The following KDM1A variants were observed in gnomAD, a reference collection of about 807,000 sequenced individuals.
KDM1A encodes the protein lysine demethylase 1A.
KDM1A carries 49 observed loss-of-function variants against 109.4 expected under a neutral mutation model. The observed-to-expected ratio is 0.45, with a 90% CI of 0.36 to 0.57. The LOEUF (loss-of-function observed/expected upper bound fraction) is 0.57, where lower values mean the gene tolerates loss of function less well. KDM1A is among the 20% of genes least tolerant of loss of function. The probability of loss-of-function intolerance (pLI) is 0.00; values close to 1 mark genes in which losing one functional copy is unlikely to be tolerated. For synonymous variants in KDM1A, 380 were observed against 415.4 expected (o/e 0.91, Z 1.04); for missense variants, 668 against 1,116.6 (o/e 0.60, Z 5.73).
intron 1 of KDM1A, 123 bp downstream of exon 1, chr1:23,020,070 G>C (rs1641574856): frequency 9.5e-7 from 1 of 1,049,694 alleles, no homozygotes; most frequent in Admixed American, 4.1e-5. Flanking sequence ...CCCTTGTATC[G>C]CTGCGCACGC....
chr1:23,046,782 T>G (rs1642515469), intron 3 of KDM1A, among the ~76,000 whole-genome samples: 1 of 152,182 alleles, frequency 6.6e-6, no homozygotes, highest in Non-Finnish European at 1.5e-5. Flanking sequence ...TTCTGAAAGG[T>G]GATGCTGGAA....
intron 15 of KDM1A, among the ~76,000 whole-genome samples, chr1:23,076,789 C>G (rs1434052375): frequency 6.6e-6 from 1 of 151,692 alleles, no homozygotes. Context: ...TGGTGAAACC[C>G]CGTCTCTACT....
intron 1 of KDM1A, among the ~76,000 whole-genome samples, chr1:23,028,035 A>G (rs1344176751): frequency 3.3e-5 from 5 of 152,202 alleles, no homozygotes; most frequent in Admixed American, 6.5e-5. Context: ...CTAAAGACTA[A>G]GAACCCTTTC....
intron 13 of KDM1A, 68 bp from the exon 14 acceptor site, chr1:23,072,056 G>A: frequency 1.1e-6 from 1 of 917,974 alleles, no homozygotes; most frequent in Non-Finnish European, 1.8e-6. Flanking sequence ...CTTATACTTT[G>A]TGGTACAAAG....
chr1:23,071,504 G>A (rs1643319112), intron 13 of KDM1A, 145 bp downstream of exon 13: 1 of 666,468 alleles, frequency 1.5e-6, no homozygotes, highest in Non-Finnish European at 2.5e-6. Context: ...AGGAGCCATG[G>A]GGATTTAATG....
At chr1:23,051,017 G>A (rs1232712145) in intron 4 of KDM1A, among the ~76,000 whole-genome samples, 2 of 152,152 alleles carry the variant, frequency 1.3e-5, no homozygotes, top group Non-Finnish European at 2.9e-5. Context: ...CCTAGGAGGT[G>A]GAGGTTGCAG....
chr1:23,083,032 A>C, intron 20 of KDM1A, 147 bp from the exon 21 acceptor site: 1 of 677,330 alleles, frequency 1.5e-6, no homozygotes, highest in African/African-American at 1.8e-5. Context: ...CCTACTGATA[A>C]GGGAGACTCT....
intron 2 of KDM1A, 82 bp from the exon 3 acceptor site, chr1:23,044,345 C>T (rs772259076): frequency 1.2e-5 from 15 of 1,296,078 alleles, no homozygotes; most frequent in Non-Finnish European, 1.6e-5. Context: ...ATTCATGAGT[C>T]GCCAACTATT....
In KDM1A at chr1:23,074,780, A is replaced by T. The variant is rs1232763998; in HGVS notation, c.1734+1377A>T. On this transcript the variant is annotated intron_variant, in intron 15 of 20. Coordinates refer to ENST00000400181, the MANE Select transcript of KDM1A (RefSeq NM_001009999.3). ...TCATGTTTTTCCATATAGTTATGTA[A>T]TTATTATTCCAGCACTATCCTTTTC... Among the ~76,000 whole-genome samples, 7 of 152,296 alleles carry T rather than the reference A, an allele frequency of 4.6e-5. No homozygotes were observed. In the East Asian group the frequency reaches 1.3e-3, roughly 29 times the overall value.
intron 10 of KDM1A, among the ~76,000 whole-genome samples, chr1:23,066,856 G>A (rs1643174148): frequency 6.6e-6 from 1 of 152,184 alleles, no homozygotes. Context: ...GAAGTAGCAT[G>A]TTTCTGAGCA....
At position 23,050,374 on chromosome 1, in the gene KDM1A, C is replaced by T. The variant is rs1007875288; in HGVS notation, c.578-13C>T. ...TTGCACTTTTCCTAGATGTCCTTTG[C>T]TTTCTTCGTTAGGTGTGGAGGGCGC... On this transcript the variant is annotated splice_polypyrimidine_tract_variant and intron_variant, in intron 3 of 20. Transcript: ENST00000400181. 3.8e-6 allele frequency: 6 copies of T among 1,595,688 alleles called. No individual in the cohort carries two copies. The African/African-American group carries it at 8.2e-5, about 22-fold the overall frequency.
Position 23,079,405 on chromosome 1 carries a change from A to G in KDM1A, c.2056-148A>G, listed in dbSNP as rs755886325. On this transcript the variant is annotated intron_variant, in intron 17 of 20. Coordinates refer to ENST00000400181, the MANE Select transcript of KDM1A (RefSeq NM_001009999.3). This position sits in a 1 kb window ranked among gnomAD's most constrained non-coding sequence, Gnocchi z 5.6. ...GGGGTCATTTCACAAACTCAGGCCTATAAAAAGGGGATCGTAAATGTCATC... is the reference window on the plus strand; with the variant it reads ...GGGGTCATTTCACAAACTCAGGCCTGTAAAAAGGGGATCGTAAATGTCATC... The G allele has an allele frequency of 7.0e-5, 50 of 713,642 alleles. No individual in the cohort carries two copies. Among genetic ancestry groups the G allele is most frequent in the Non-Finnish European group, 1.1e-4 (47 of 427,734 alleles). 44.2% of individuals were successfully genotyped at this position (713,642 alleles called of 1,614,324 possible).
intron 4 of KDM1A, among the ~76,000 whole-genome samples, chr1:23,052,986 A>C (rs1392012565): frequency 2.6e-5 from 4 of 152,154 alleles, no homozygotes; most frequent in African/African-American, 9.7e-5. Flanking sequence ...TCTTGGAGCT[A>C]AACTCATTAT....
At chr1:23,029,100 C>A (rs951478679) in intron 1 of KDM1A, among the ~76,000 whole-genome samples, 7 of 152,046 alleles carry the variant, frequency 4.6e-5, no homozygotes, top group African/African-American at 1.7e-4. Context: ...ACCAGTCCCC[C>A]GCCCCCAAAT....
At chr1:23,077,131 C>T in intron 15 of KDM1A, 97 bp from the exon 16 acceptor site, 1 of 1,183,924 alleles carries the variant, frequency 8.4e-7, no homozygotes, top group Non-Finnish European at 1.2e-6. Flanking sequence ...TTGACTGTTT[C>T]CACAAGCTTG....
intron 1 of KDM1A, among the ~76,000 whole-genome samples, chr1:23,020,993 T>G (rs897290860): frequency 6.6e-6 from 1 of 152,202 alleles, no homozygotes; most frequent in Non-Finnish European, 1.5e-5. Flanking sequence ...TGGATATATA[T>G]GTGCGTGTAG....
At chr1:23,026,684 A>G (rs923254131) in intron 1 of KDM1A, among the ~76,000 whole-genome samples, 51 of 152,240 alleles carry the variant, frequency 3.3e-4, no homozygotes, top group African/African-American at 1.2e-3. Context: ...GCCCCGCCCA[A>G]GAAATATTTC....
In KDM1A at chr1:23,077,315, A is replaced by G; in HGVS notation, c.1822A>G (p.Ile608Val). 1.9e-6 allele frequency: 3 copies of G among 1,614,132 alleles called. No homozygotes were observed. Among genetic ancestry groups the G allele is most frequent in the South Asian group, 2.2e-5 (2 of 91,076 alleles). ...VPVALAEGLD[I>V]KLNTAVRQVR... Reference sequence around the variant, plus strand: ...TGTGGCTTTAGCAGAAGGCCTAGACATTAAACTGAATACAGCAGTGCGACA... The same window carrying G: ...TGTGGCTTTAGCAGAAGGCCTAGACGTTAAACTGAATACAGCAGTGCGACA... Residue 608 changes from isoleucine to valine, a missense_variant, in exon 16 of 21, where the codon ATT becomes GTT. By Grantham distance (29) the Ile-to-Val change is conservative (BLOSUM62 3). This residue lies in a region of KDM1A where 162 missense variants were observed against 376.4 expected (regional missense o/e 0.43). Coordinates refer to ENST00000400181, the MANE Select transcript of KDM1A (RefSeq NM_001009999.3).
In KDM1A at chr1:23,079,656, A is replaced by T. The variant is rs1557600534; in HGVS notation, c.2159A>T (p.Asn720Ile). The change falls in exon 18 of 21, where the codon AAC becomes ATC. Residue 720 changes from asparagine to isoleucine, a missense_variant. Physicochemically the swap from Asn to Ile is moderately radical, Grantham distance 149. This residue lies in a region of KDM1A where 162 missense variants were observed against 376.4 expected (regional missense o/e 0.43). Transcript: ENST00000400181. This position sits in a 1 kb window ranked among gnomAD's most constrained non-coding sequence, Gnocchi z 5.6. ...AGGGGTGAGCTCTTCCTCTTCTGGAACCTCTATAAAGGTAAATGCCTTCTA... is the reference window on the plus strand; with the variant it reads ...AGGGGTGAGCTCTTCCTCTTCTGGATCCTCTATAAAGGTAAATGCCTTCTA... Reference protein sequence around the residue: ...ASRGELFLFWNLYKAPILLAL... With the variant: ...ASRGELFLFWILYKAPILLAL... 1 of 1,606,558 alleles carries T rather than the reference A, an allele frequency of 6.2e-7. No individual in the cohort carries two copies. Among genetic ancestry groups the T allele is most frequent in the East Asian group, 2.2e-5 (1 of 44,814 alleles).
Sources: allele counts gnomAD v4.1 joint callset (sites outside exome capture counted in the v4.1 genomes callset), GRCh38; gene constraint gnomAD v4.1.1; regional missense constraint gnomAD v4.1.1; non-coding constraint Gnocchi (gnomAD v3.1); transcripts MANE v1.5; gene names NCBI Gene and HGNC (gene_info 2026-07-23, HGNC 2026-07-21).